The following ZFHX3 variants were observed in gnomAD, a reference collection of about 807,000 sequenced individuals.
ZFHX3 encodes zinc finger homeobox 3.
A neutral mutation model predicts 279.1 loss-of-function variants in ZFHX3; 42 were observed. The observed-to-expected ratio is 0.15, with a 90% CI of 0.12 to 0.19. ZFHX3 has a LOEUF of 0.19. ZFHX3 is among the 10% of genes least tolerant of loss of function. The pLI, the probability that ZFHX3 is intolerant of heterozygous loss-of-function variation, is 1.00. For synonymous variants in ZFHX3, 2,293 were observed against 1,957.8 expected, an observed-to-expected ratio of 1.17 and a Z score of -4.52; for missense variants, 4,981 against 4,754.0, an observed-to-expected ratio of 1.05 and a Z score of -1.40.
chr16:72,920,263 G>T (rs943586778), intron 3 of ZFHX3, among the ~76,000 whole-genome samples: 20 of 152,122 alleles, frequency 1.3e-4, no homozygotes, highest in Non-Finnish European at 1.6e-4. Context: ...CTGGGCCTCA[G>T]CACAGAATTA....
chr16:72,929,267 A>G (rs933813041), intron 3 of ZFHX3, among the ~76,000 whole-genome samples: 9 of 151,876 alleles, frequency 5.9e-5, no homozygotes, highest in Non-Finnish European at 1.0e-4. Context: ...AGAGTGAGGT[A>G]AAAAATCAAA....
chr16:73,473,126 G>A (rs1480299344), intron 2 of ZFHX3, among the ~76,000 whole-genome samples: 1 of 151,242 alleles, frequency 6.6e-6, no homozygotes, highest in Non-Finnish European at 1.5e-5. Context: ...GGATCACTTG[G>A]GCTTAGGATC....
intron 3 of ZFHX3, among the ~76,000 whole-genome samples, chr16:73,438,300 T>C (rs1244889776): frequency 1.3e-5 from 2 of 152,154 alleles, no homozygotes; most frequent in African/African-American, 2.4e-5. Context: ...AAAACAAAAA[T>C]GGGCTCTTCC....
rs141461385 is a variant in ZFHX3 at position 72,788,686 on chromosome 16, T to G, written c.9590A>C (p.Gln3197Pro). The change falls in exon 10 of 10, where the codon CAG becomes CCG. Residue 3197 changes from glutamine to proline, a missense_variant. Physicochemically the swap from Gln to Pro is moderately conservative, Grantham distance 76. Coordinates refer to ENST00000268489, the MANE Select transcript of ZFHX3 (RefSeq NM_006885.4). ...TMAMGPQQPP[Q>P]QQQQQQQPQV... The stretch of plus-strand genomic sequence containing the variant: ...TGGTTGCTGCTGCTGCTGCTGCTGC[T>G]GGGGGGGTTGCTGAGGGCCCATCGC... The G allele has an allele frequency of 6.6e-5, 107 of 1,609,828 alleles. 1 individual carries two copies. The highest frequency in any genetic ancestry group is 7.6e-5 in the Non-Finnish European group (90 of 1,177,916).
chr16:72,921,026 C>G (rs977901311), intron 3 of ZFHX3, among the ~76,000 whole-genome samples: 6 of 148,488 alleles, frequency 4.0e-5, no homozygotes, highest in South Asian at 2.1e-4. Flanking sequence ...GAACTGTGAT[C>G]CCGCCACTAT....
At chr16:72,931,404 TACACACACACACACACACACACACAC>T (rs59696404) in intron 3 of ZFHX3, among the ~76,000 whole-genome samples, 3,472 of 120,178 alleles carry the variant, frequency 0.029, 63 homozygotes, top group Non-Finnish European at 0.038. Context: ...TTTATTTCAT[TACACACACACACACACACACACACAC>T]ACACACACAC....
intron 2 of ZFHX3, among the ~76,000 whole-genome samples, chr16:72,956,099 T>G (rs1239534305): frequency 6.6e-6 from 1 of 152,218 alleles, no homozygotes; most frequent in East Asian, 1.9e-4. Flanking sequence ...AAAATGAGAT[T>G]AAAGTACTAA....
In ZFHX3 at chr16:73,549,099, G is replaced by A. The variant is rs183215559; in HGVS notation, c.-1546-92841C>T. Among the ~76,000 whole-genome samples, 661 of 152,128 alleles carry A rather than the reference G, an allele frequency of 4.3e-3. 7 individuals are homozygous for A. The highest frequency in any genetic ancestry group is 0.014 in the African/African-American group (589 of 41,512). ...TTGAGATTAAATTTTCTTTTGATACGCTTTTAAAAATATTCAGATACACAG... is the reference window on the plus strand; with the variant it reads ...TTGAGATTAAATTTTCTTTTGATACACTTTTAAAAATATTCAGATACACAG... On this transcript the variant is annotated intron_variant, in intron 2 of 17. Coordinates refer to the ZFHX3 transcript ENST00000641206.
intron 1 of ZFHX3, among the ~76,000 whole-genome samples, chr16:73,860,208 A>G (rs1200956016): frequency 2.6e-5 from 4 of 152,224 alleles, no homozygotes; most frequent in African/African-American, 9.6e-5. Flanking sequence ...CCAAATTCCC[A>G]ACAGTTTGAA....
At chr16:73,218,141 C>A (rs983673886) in intron 5 of ZFHX3, among the ~76,000 whole-genome samples, 1 of 152,136 alleles carries the variant, frequency 6.6e-6, no homozygotes, top group African/African-American at 2.4e-5. Flanking sequence ...GAGCCCAGTA[C>A]ATGGTATGGC....
intron 1 of ZFHX3, among the ~76,000 whole-genome samples, chr16:73,739,303 T>C (rs368371820): frequency 3.3e-5 from 5 of 152,334 alleles, no homozygotes; most frequent in African/African-American, 1.2e-4. Flanking sequence ...TCTCATCTTT[T>C]GTTAGAACAG....
At chr16:73,060,258 C>T (rs560143735), upstream of ZFHX3, 13 of 150,868 alleles carry the variant, frequency 8.6e-5, no homozygotes, top group African/African-American at 2.2e-4. Flanking sequence ...ACAGCTACCT[C>T]CAAGAGTTTG....
At chr16:72,800,986 C>T (rs2036082049) in intron 7 of ZFHX3, among the ~76,000 whole-genome samples, 1 of 152,216 alleles carries the variant, frequency 6.6e-6, no homozygotes, top group South Asian at 2.1e-4. Flanking sequence ...CCCTGCCGTA[C>T]GGCCAGAAGC....
At chr16:73,445,302 A>ATATGTATGTGTG (rs111908371) in intron 3 of ZFHX3, among the ~76,000 whole-genome samples, 1 of 149,808 alleles carries the variant, frequency 6.7e-6, no homozygotes, top group Non-Finnish European at 1.5e-5. Context: ...ATGTATATGT[A>ATATGTATGTGTG]TGTGTGTGTG....
intron 5 of ZFHX3, among the ~76,000 whole-genome samples, chr16:73,160,342 T>G (rs1967199786): frequency 6.6e-6 from 1 of 152,186 alleles, no homozygotes; most frequent in South Asian, 2.1e-4. Context: ...GCCAAGGACC[T>G]TATGAGTCTT....
chr16:73,561,069 A>T (rs1364461274), intron 2 of ZFHX3, among the ~76,000 whole-genome samples: 1 of 152,228 alleles, frequency 6.6e-6, no homozygotes, highest in African/African-American at 2.4e-5. Context: ...TGTATTTGGG[A>T]CAAGCTTCTA....
At chr16:73,126,472 G>A (rs2144813405) in intron 7 of ZFHX3, among the ~76,000 whole-genome samples, 1 of 152,284 alleles carries the variant, frequency 6.6e-6, no homozygotes, top group East Asian at 1.9e-4. Flanking sequence ...AACAGAAACA[G>A]ATGGGAGGTT....
intron 3 of ZFHX3, among the ~76,000 whole-genome samples, chr16:73,360,293 A>C (rs1181186926): frequency 6.6e-6 from 1 of 152,210 alleles, no homozygotes; most frequent in African/African-American, 2.4e-5. Context: ...GAAACTTGCC[A>C]AAGCTTACAC....
chr16:73,016,005 A>G (rs1168940743), intron 1 of ZFHX3: 1 of 152,228 alleles, frequency 6.6e-6, no homozygotes, highest in Non-Finnish European at 1.5e-5. Context: ...GGCCATATGG[A>G]CAGAAGGCAT....
Sources: gnomAD v4.1 joint callset for allele counts (sites outside exome capture counted in the v4.1 genomes callset) on GRCh38, gnomAD v4.1.1 for gene constraint, MANE v1.5 for transcripts, NCBI Gene and HGNC (gene_info 2026-07-23, HGNC 2026-07-21) for gene names.